The following CROCC2 variants were observed in gnomAD, a reference collection of about 807,000 sequenced individuals.
CROCC2 encodes the protein ciliary rootlet coiled-coil protein 2.
A neutral mutation model predicts 177.6 loss-of-function variants in CROCC2; 163 were observed. The observed-to-expected ratio is 0.92, with a 90% CI of 0.81 to 1.05. The LOEUF is 1.05. Among genes scored for constraint, CROCC2 ranks in the 50% least tolerant of loss-of-function variants. The pLI, the probability that CROCC2 is intolerant of heterozygous loss-of-function variation, is 0.00. For synonymous variants in CROCC2, 904 were observed against 787.3 expected, an observed-to-expected ratio of 1.15 and a Z score of -2.48; for missense variants, 1,929 against 1,797.8, an observed-to-expected ratio of 1.07 and a Z score of -1.32.
chr2:240,942,961 G>A (rs2059502827), intron 14 of CROCC2, among the ~76,000 whole-genome samples: 1 of 151,864 alleles, frequency 6.6e-6, no homozygotes, highest in African/African-American at 2.4e-5. Flanking sequence ...TAGTCTCCTG[G>A]TCCTTTACTA....
intron 28 of CROCC2, 95 bp downstream of exon 28, chr2:240,983,124 C>A: frequency 7.8e-7 from 1 of 1,280,088 alleles, no homozygotes; most frequent in Non-Finnish European, 1.1e-6. Flanking sequence ...AGAATCAGTC[C>A]CTCAACATGA....
At chr2:240,941,167 C>T (rs994105827) in intron 14 of CROCC2, among the ~76,000 whole-genome samples, 1 of 152,162 alleles carries the variant, frequency 6.6e-6, no homozygotes, top group Non-Finnish European at 1.5e-5. Context: ...CAAAACACTG[C>T]TGAAAGAAAT....
intron 2 of CROCC2, among the ~76,000 whole-genome samples, chr2:240,919,659 T>C (rs1415658823): frequency 6.6e-6 from 1 of 152,050 alleles, no homozygotes; most frequent in Non-Finnish European, 1.5e-5. Flanking sequence ...CACAACTTCA[T>C]AGACAGCGCG....
At chr2:240,929,232 C>T (rs139720480) in intron 5 of CROCC2, among the ~76,000 whole-genome samples, 9 of 152,214 alleles carry the variant, frequency 5.9e-5, no homozygotes, top group Admixed American at 4.6e-4. Context: ...CTATTGTTTC[C>T]GCTGGTTTCT....
chr2:240,927,065 A>G (rs1411578625), intron 5 of CROCC2, among the ~76,000 whole-genome samples: 1 of 152,178 alleles, frequency 6.6e-6, no homozygotes, highest in Non-Finnish European at 1.5e-5. Context: ...GTCCTTGAGA[A>G]CTGTTCTCAC....
rs1367329185 is a variant in CROCC2, at chr2:240,918,713, G to A, written c.79-13G>A. 1.1e-5 allele frequency: 6 copies of A among 556,858 alleles called. 1 individual carries two copies. Among genetic ancestry groups the A allele is most frequent in the Non-Finnish European group, 1.9e-5 (6 of 308,284 alleles). The allele number at this position is 556,858 out of a possible 1,614,324, so 34.5% of individuals were successfully genotyped here. The stretch of plus-strand genomic sequence containing the variant: ...GGCTGCCATCTCCAGGTATCTCTGG[G>A]GGTGTCTTTCAGAGACTGGAGGACA... On this transcript the variant is annotated splice_polypyrimidine_tract_variant and intron_variant, in intron 1 of 31. Transcript: ENST00000690015. This position sits in a 1 kb window ranked among gnomAD's most constrained non-coding sequence, Gnocchi z 6.3.
At chr2:240,919,007 T>G in intron 2 of CROCC2, 131 bp downstream of exon 2, 2 of 462,902 alleles carry the variant, frequency 4.3e-6, no homozygotes, top group Non-Finnish European at 7.7e-6. Context: ...GCCAAGGTGA[T>G]GGCGTGGGGG....
Position 240,934,624 on chromosome 2 carries a change from C to T in CROCC2, c.1791+149C>T, listed in dbSNP as rs535436591. On this transcript the variant is annotated intron_variant, in intron 12 of 31. Transcript: ENST00000690015. Reference sequence around the variant, plus strand: ...TCCCAAAGTCACCAAAGTTCTCTCCCGTCCCCAACCAGTAGGCACCAGCCT... The same window carrying T: ...TCCCAAAGTCACCAAAGTTCTCTCCTGTCCCCAACCAGTAGGCACCAGCCT... The T allele has an allele frequency of 1.1e-4, 100 of 883,128 alleles. No individual in the cohort carries two copies. In the South Asian group the frequency reaches 1.5e-3, roughly 13 times the overall value. 54.7% of individuals were successfully genotyped at this position (883,128 alleles called of 1,614,324 possible).
At chr2:240,959,127 T>C (rs1411405839) in intron 19 of CROCC2, 174 bp from the exon 20 acceptor site, 1 of 678,156 alleles carries the variant, frequency 1.5e-6, no homozygotes, top group Non-Finnish European at 2.4e-6. Context: ...AGCAGCCTGT[T>C]TGACAGTTTA....
intron 7 of CROCC2, 105 bp from the exon 8 acceptor site, chr2:240,932,213 G>A: frequency 1.6e-6 from 1 of 626,916 alleles, no homozygotes. Flanking sequence ...CCCAGCACCG[G>A]CAGGGGGGCC....
rs1332801313 is a variant in CROCC2, at chr2:240,972,710, T to A, written c.4401+4448T>A. Among the ~76,000 whole-genome samples, 1 of 152,056 alleles carries A rather than the reference T, an allele frequency of 6.6e-6. No individual in the cohort carries two copies. ...ATCTATCATTATGGTGTCAACGTTT[T>A]CTTACAATTCTGGCAATTATTATTT... On this transcript the variant is annotated intron_variant, in intron 27 of 31. Transcript: ENST00000690015. The surrounding 1 kb of genome is among the most constrained non-coding windows in gnomAD (Gnocchi z 7.1).
In CROCC2 at chr2:240,950,401, A is replaced by T; in HGVS notation, c.2720A>T (p.Glu907Val). 1 of 1,550,360 alleles carries T rather than the reference A, an allele frequency of 6.5e-7. No individual in the cohort carries two copies. The highest frequency in any genetic ancestry group is 1.2e-5 in the South Asian group (1 of 84,056). Residue 907 changes from glutamate to valine, a missense_variant, in exon 18 of 32, where the codon GAG (glutamate) becomes GTG (valine). Glu to Val is a moderately radical substitution (Grantham distance 121). Coordinates refer to ENST00000690015, the MANE Select transcript of CROCC2 (RefSeq NM_001351305.2). ...AGATGCCAGCTGGAGCAGGAGAAGG[A>T]GCTGGTGACAAAAAGTGCAGCTGAG... ...VARCQLEQEK[E>V]LVTKSAAERE... is the part of the protein sequence containing the mutation.
chr2:240,920,193 G>A lies in CROCC2; in HGVS notation c.381+59G>A, dbSNP rs550825339. On this transcript the variant is annotated intron_variant, in intron 3 of 31. Transcript: ENST00000690015. ...AGGTGGCAGCCTGGCCCTTCGTGAG[G>A]GGTCACTTGTCGGGACGGCAGTCAG... 271 of 604,624 alleles carry A rather than the reference G, an allele frequency of 4.5e-4. 2 individuals carry two copies. The South Asian group carries it at 4.9e-3, about 11-fold the overall frequency. 37.5% of individuals were successfully genotyped at this position (604,624 alleles called of 1,614,324 possible). A position where few individuals can be genotyped will look rare whatever the true frequency, so the allele number is the denominator to read the frequency against.
At chr2:240,933,982 A>G (rs888074134) in intron 11 of CROCC2, 130 bp downstream of exon 11, 3 of 1,055,404 alleles carry the variant, frequency 2.8e-6, no homozygotes, top group Admixed American at 2.6e-5. Context: ...TGGTGGCCCT[A>G]ACAGGGCAGG....
chr2:240,980,950 G>A (rs1389411654), intron 27 of CROCC2, among the ~76,000 whole-genome samples: 1 of 89,558 alleles, frequency 1.1e-5, no homozygotes, highest in African/African-American at 5.9e-5. Flanking sequence ...AGGAGCCCAG[G>A]CTCATCCCTG....
In CROCC2 at chr2:240,982,904, G is replaced by A. The variant is rs1276097224; in HGVS notation, c.4426G>A (p.Ala1476Thr). 1.3e-6 allele frequency: 2 copies of A among 1,549,674 alleles called. No homozygotes were observed. Among genetic ancestry groups the A allele is most frequent in the East Asian group, 2.4e-5 (1 of 40,904 alleles). ...LQEQLETLRQ[A>T]LEESRRHSQG... is the part of the protein sequence containing the mutation. Reference sequence around the variant, plus strand: ...GGAGCAACTGGAAACGCTGCGCCAGGCTCTTGAAGAGAGCAGGAGGCACAG... The same window carrying A: ...GGAGCAACTGGAAACGCTGCGCCAGACTCTTGAAGAGAGCAGGAGGCACAG... Residue 1476 changes from alanine (A) to threonine (T), a missense_variant, in exon 28 of 32, where the codon GCT becomes ACT. Coordinates refer to ENST00000690015, the MANE Select transcript of CROCC2 (RefSeq NM_001351305.2). The surrounding 1 kb of genome is among the most constrained non-coding windows in gnomAD (Gnocchi z 4.7).
chr2:240,963,335 T>C (rs2059655592), intron 20 of CROCC2: 2 of 540,374 alleles, frequency 3.7e-6, no homozygotes, highest in Non-Finnish European at 6.5e-6. Context: ...AGGTGGGGTC[T>C]TCTGGGCTCT....
chr2:240,965,152 T>C (rs1028183949), intron 22 of CROCC2, among the ~76,000 whole-genome samples: 2 of 152,148 alleles, frequency 1.3e-5, no homozygotes, highest in Non-Finnish European at 2.9e-5. Context: ...GCCTCCTCCT[T>C]GTCCCAGGTC....
At chr2:240,922,117 C>A (rs893745596) in intron 3 of CROCC2, among the ~76,000 whole-genome samples, 4 of 152,208 alleles carry the variant, frequency 2.6e-5, no homozygotes, top group African/African-American at 7.2e-5. Flanking sequence ...AGCCCTGAAG[C>A]CCCTCCCCCT....
Sources: allele counts gnomAD v4.1 joint callset (sites outside exome capture counted in the v4.1 genomes callset), GRCh38; gene constraint gnomAD v4.1.1; non-coding constraint Gnocchi (gnomAD v3.1); transcripts MANE v1.5; gene names NCBI Gene and HGNC (gene_info 2026-07-23, HGNC 2026-07-21).